Variants in JCAD observed in about 807,000 individuals in gnomAD.
JCAD encodes junctional cadherin 5-associated protein.
Under a neutral mutation model 98.0 loss-of-function variants are expected in JCAD, and 40 were observed. The observed-to-expected ratio is 0.41, with a 90% CI of 0.32 to 0.53. JCAD has a LOEUF of 0.53. Among genes scored for constraint, JCAD ranks in the 20% least tolerant of loss-of-function variants. The pLI is 0.31. For missense variants in JCAD, 1,705 were observed against 1,738.1 expected (o/e 0.98, Z 0.34); for synonymous variants, 691 against 682.3 (o/e 1.01, Z -0.20).
intron 1 of JCAD, among the ~76,000 whole-genome samples, chr10:30,072,424 T>A (rs1837909995): frequency 6.6e-6 from 1 of 152,214 alleles, no homozygotes; most frequent in Non-Finnish European, 1.5e-5. Flanking sequence ...CCTGCAGCAT[T>A]TGTATATCCA....
chr10:30,029,292 G>A lies in JCAD; in HGVS notation c.856C>T (p.Arg286Trp), dbSNP rs376141365. Residue 286 changes from arginine to tryptophan, a missense_variant, in exon 3 of 4, where the codon CGG becomes TGG. By Grantham distance (101) the Arg-to-Trp change is moderately radical. Around this residue, in one of 3 missense-constraint regions of JCAD, gnomAD observed 275 missense variants for 346.9 expected, o/e 0.79. Transcript: ENST00000375377. ...TTGAGGGGCCTCCCAAACTTAGGCC[G>A]GGGAAATGGGGCTGAGCAGCCACTC... The part of the protein sequence containing the change: ...EKSGCSAPFP[R>W]PKFGRPLKPP... 1.3e-5 allele frequency: 21 copies of A among 1,614,012 alleles called. No homozygotes were observed. Among genetic ancestry groups the A allele is most frequent in the Admixed American group, 1.2e-4 (7 of 59,994 alleles).
At chr10:30,110,673 G>C (rs1838678671) in intron 1 of JCAD, among the ~76,000 whole-genome samples, 1 of 151,626 alleles carries the variant, frequency 6.6e-6, no homozygotes, top group African/African-American at 2.4e-5. Flanking sequence ...TGGGCCAGGT[G>C]ATGTATGGAC....
intron 3 of JCAD, among the ~76,000 whole-genome samples, chr10:30,022,999 T>C (rs1373265175): frequency 2.0e-5 from 3 of 151,828 alleles, no homozygotes; most frequent in Non-Finnish European, 4.4e-5. Flanking sequence ...GGTCCTTTCT[T>C]TTTTTTTAAT....
intron 1 of JCAD, among the ~76,000 whole-genome samples, chr10:30,053,435 C>T (rs771790501): frequency 2.2e-4 from 34 of 151,860 alleles, no homozygotes; most frequent in Non-Finnish European, 4.6e-4. Context: ...GTGGCGCTCA[C>T]CTGTAGTCCT....
chr10:30,043,739 C>T (rs1437036594), intron 2 of JCAD, among the ~76,000 whole-genome samples: 3 of 152,198 alleles, frequency 2.0e-5, no homozygotes, highest in African/African-American at 2.4e-5. Context: ...CAAACGAAAA[C>T]AGGCCTCACC....
chr10:30,028,190 C>T lies in JCAD; in HGVS notation c.1958G>A (p.Gly653Glu). ...GRTEFQKQDL[G>E]EPEEDRQTND... is the part of the protein sequence containing the mutation. The stretch of plus-strand genomic sequence containing the variant: ...TGTTTGTCTGTCTTCTTCTGGTTCC[C>T]CTAGATCTTGTTTTTGGAACTCCGT... Residue 653 changes from glycine (G) to glutamate (E), a missense_variant, in exon 3 of 4, where the codon GGG (glycine) becomes GAG (glutamate). This residue lies in a region of JCAD where 1,278 missense variants were observed against 1,243.1 expected (regional missense o/e 1.03). Coordinates refer to ENST00000375377, the MANE Select transcript of JCAD (RefSeq NM_020848.4). 6.2e-7 allele frequency: 1 copy of T among 1,614,144 alleles called. No individual in the cohort carries two copies. The highest frequency in any genetic ancestry group is 8.5e-7 in the Non-Finnish European group (1 of 1,180,028).
rs758494160 is a variant in JCAD at position 30,028,420 on chromosome 10, G to A, written c.1728C>T (p.Asn576=). The change falls in exon 3 of 4, where the codon AAC becomes AAT. Residue 576 remains asparagine (N), a synonymous_variant. Coordinates refer to ENST00000375377, the MANE Select transcript of JCAD (RefSeq NM_020848.4). ...RTKKSSKKKM[N]ETIFCLVSIP... is the part of the protein sequence containing the mutation. ...TAGAAACCAAGCAAAATATAGTCTC[G>A]TTCATTTTTTTCTTTGAACTTTTCT... is the stretch of plus-strand genomic sequence containing the variant. 319 of 1,614,014 alleles carry A rather than the reference G, an allele frequency of 2.0e-4. No homozygotes were observed. Among genetic ancestry groups the A allele is most frequent in the Non-Finnish European group, 2.4e-4 (289 of 1,180,052 alleles).
chr10:30,064,320 C>T (rs1837749404), upstream of JCAD, among the ~76,000 whole-genome samples: 1 of 152,168 alleles, frequency 6.6e-6, no homozygotes, highest in African/African-American at 2.4e-5. Flanking sequence ...CTTAGGTTGA[C>T]TCTGCAGAGT....
In JCAD at chr10:30,013,980, T is replaced by C. The variant is rs751019140; in HGVS notation, c.*3903A>G. ...TTCAAGAGGCCTCAATCTGAATTTATGGTCTTAATGACTCCCTTTTTATTT... is the reference window on the plus strand; with the variant it reads ...TTCAAGAGGCCTCAATCTGAATTTACGGTCTTAATGACTCCCTTTTTATTT... On this transcript the variant is annotated 3_prime_UTR_variant, in exon 4 of 4. Coordinates refer to ENST00000375377, the MANE Select transcript of JCAD (RefSeq NM_020848.4). 2 of 152,230 alleles carry C rather than the reference T, an allele frequency of 1.3e-5. No homozygotes were observed. Among genetic ancestry groups the C allele is most frequent in the Non-Finnish European group, 2.9e-5 (2 of 68,038 alleles). The allele number at this position is 152,230 out of a possible 1,614,324, so 9.4% of individuals were successfully genotyped here.
chr10:30,037,134 C>T (rs931684060), intron 2 of JCAD, among the ~76,000 whole-genome samples: 5 of 152,232 alleles, frequency 3.3e-5, no homozygotes, highest in African/African-American at 9.6e-5. Flanking sequence ...TCACCAACCC[C>T]GCTGTCAGGT....
intron 2 of JCAD, among the ~76,000 whole-genome samples, chr10:30,047,128 C>G (rs1837353903): frequency 6.6e-6 from 1 of 152,108 alleles, no homozygotes; most frequent in Non-Finnish European, 1.5e-5. Flanking sequence ...AATCCCAGCA[C>G]TTTGGGAGGC....
At chr10:30,095,792 GAGCCTTCTATAAGCCC>G (rs773824076) in intron 1 of JCAD, among the ~76,000 whole-genome samples, 18 of 152,146 alleles carry the variant, frequency 1.2e-4, no homozygotes, top group Non-Finnish European at 2.5e-4. Flanking sequence ...GGAAGCCTTA[GAGCCTTCTATAAGCCC>G]AGCCTTGCCA....
intron 1 of JCAD, among the ~76,000 whole-genome samples, chr10:30,085,326 T>C (rs949938390): frequency 6.6e-6 from 1 of 152,168 alleles, no homozygotes; most frequent in African/African-American, 2.4e-5. Context: ...CATTTATCTT[T>C]TATTCATCCT....
chr10:30,083,186 G>GA (rs748072825), intron 1 of JCAD, among the ~76,000 whole-genome samples: 12 of 151,474 alleles, frequency 7.9e-5, no homozygotes, highest in Non-Finnish European at 1.3e-4. Flanking sequence ...TGAGAAGAAG[G>GA]AAAAAATAAT....
chr10:30,039,882 G>A (rs1056249776), intron 2 of JCAD, among the ~76,000 whole-genome samples: 4 of 152,206 alleles, frequency 2.6e-5, no homozygotes, highest in Non-Finnish European at 4.4e-5. Context: ...CTGCAGGGAC[G>A]GACTACGCCT....
At chr10:30,098,242 C>A (rs1252072704) in intron 1 of JCAD, among the ~76,000 whole-genome samples, 1 of 152,136 alleles carries the variant, frequency 6.6e-6, no homozygotes, top group African/African-American at 2.4e-5. Flanking sequence ...CTAGGCTGAT[C>A]GTCCTTCTGC....
chr10:30,109,693 C>A (rs997322083), intron 1 of JCAD, among the ~76,000 whole-genome samples: 2 of 152,180 alleles, frequency 1.3e-5, no homozygotes, highest in Non-Finnish European at 2.9e-5. Context: ...CTATGATTTG[C>A]CATGGCAGCA....
rs1463414154 is a variant in JCAD at position 30,014,303 on chromosome 10, A to T, written c.*3580T>A. The T allele has an allele frequency of 6.6e-6, 1 of 152,138 alleles. No homozygotes were observed. Among genetic ancestry groups the T allele is most frequent in the Non-Finnish European group, 1.5e-5 (1 of 68,004 alleles). The allele number at this position is 152,138 out of a possible 1,614,324, so 9.4% of individuals were successfully genotyped here. ...CTTAAGAAACACACTCCCACCCCACATCCCGTCTTTTAAGCTTCATCTCCC... is the reference window on the plus strand; with the variant it reads ...CTTAAGAAACACACTCCCACCCCACTTCCCGTCTTTTAAGCTTCATCTCCC... On this transcript the variant is annotated 3_prime_UTR_variant, in exon 4 of 4. Coordinates refer to ENST00000375377, the MANE Select transcript of JCAD (RefSeq NM_020848.4).
upstream of JCAD, among the ~76,000 whole-genome samples, chr10:30,062,142 C>A (rs1463744424): frequency 1.3e-5 from 2 of 152,104 alleles, no homozygotes; most frequent in African/African-American, 4.8e-5. Flanking sequence ...CTAAACCAAA[C>A]CAAATCAAGT....
Sources: gnomAD v4.1 joint callset for allele counts (sites outside exome capture counted in the v4.1 genomes callset) on GRCh38, gnomAD v4.1.1 for gene constraint, gnomAD v4.1.1 regional missense constraint, MANE v1.5 for transcripts, NCBI Gene and HGNC (gene_info 2026-07-23, HGNC 2026-07-21) for gene names.